The following GABPB1 variants were observed in gnomAD, a reference collection of about 807,000 sequenced individuals.
GABPB1 encodes GA binding protein transcription factor subunit beta 1, also known as GA-binding protein subunit beta-1.
GABPB1 carries 15 observed loss-of-function variants against 45.9 expected under a neutral mutation model. The ratio of observed to expected loss-of-function variants is 0.33; its 90% CI spans 0.22 to 0.50. The LOEUF is 0.50. Ranked by LOEUF, GABPB1 falls within the 20% of genes least tolerant of loss-of-function variation. The probability of loss-of-function intolerance (pLI) is 0.98; values close to 1 mark genes in which losing one functional copy is unlikely to be tolerated. For synonymous variants in GABPB1, 143 were observed against 154.4 expected (o/e 0.93, Z 0.55); for missense variants, 252 against 457.5 (o/e 0.55, Z 4.10).
intron 1 of GABPB1, among the ~76,000 whole-genome samples, chr15:50,313,397 A>G (rs2047199432): frequency 1.3e-5 from 2 of 152,190 alleles, no homozygotes; most frequent in Admixed American, 1.3e-4. Context: ...TGATAGTAAT[A>G]TAAGTGGATC....
At chr15:50,332,333 A>G (rs2047976485) in intron 1 of GABPB1, among the ~76,000 whole-genome samples, 1 of 152,184 alleles carries the variant, frequency 6.6e-6, no homozygotes, top group Non-Finnish European at 1.5e-5. Flanking sequence ...GTAAAGTCTA[A>G]TCAAAATCTT....
chr15:50,311,574 G>T (rs2047132624), intron 1 of GABPB1, among the ~76,000 whole-genome samples: 1 of 152,096 alleles, frequency 6.6e-6, no homozygotes, highest in Admixed American at 6.6e-5. Context: ...TTCAGATTTT[G>T]CATTTTTGCA....
intron 1 of GABPB1, chr15:50,354,376 T>G (rs1441183963): frequency 2.2e-6 from 1 of 451,800 alleles, no homozygotes; most frequent in Non-Finnish European, 4.4e-6. Context: ...GCCAGGCTCT[T>G]CCATTAACCC....
chr15:50,289,767 C>CTTTTCTA, intron 6 of GABPB1, 99 bp from the exon 7 acceptor site: 1 of 701,842 alleles, frequency 1.4e-6, no homozygotes, highest in Non-Finnish European at 2.2e-6. Context: ...ATGCTTCTTT[C>CTTTTCTA]TTTTCTTTTT....
chr15:50,320,852 G>A (rs1364891255), intron 1 of GABPB1, among the ~76,000 whole-genome samples: 2 of 152,156 alleles, frequency 1.3e-5, no homozygotes, highest in African/African-American at 2.4e-5. Flanking sequence ...CTTAAAGATG[G>A]AGGAAGGGGT....
intron 2 of GABPB1, among the ~76,000 whole-genome samples, chr15:50,306,626 CAAAA>C (rs34344784): frequency 3.6e-5 from 3 of 84,414 alleles, no homozygotes; most frequent in African/African-American, 8.9e-5. Flanking sequence ...AACTCTGTCT[CAAAA>C]AAAAAAAAAA....
intron 1 of GABPB1, among the ~76,000 whole-genome samples, chr15:50,337,129 A>ATATATATATATATATATAT (rs1173961008): frequency 1.9e-4 from 2 of 10,554 alleles, no homozygotes; most frequent in East Asian, 4.0e-3. Flanking sequence ...ATATATATAT[A>ATATATATATATATATATAT]ATATGAAGAG....
intron 1 of GABPB1, chr15:50,349,628 T>C (rs2048748648): frequency 6.6e-6 from 1 of 152,168 alleles, no homozygotes; most frequent in Non-Finnish European, 1.5e-5. Flanking sequence ...GAGTGATATG[T>C]TTCTCTACTC....
At chr15:50,284,832 T>C (rs1315210003) in intron 8 of GABPB1, among the ~76,000 whole-genome samples, 2 of 152,202 alleles carry the variant, frequency 1.3e-5, no homozygotes, top group Non-Finnish European at 2.9e-5. Context: ...AGTATACTGA[T>C]ACTATTCAAT....
At chr15:50,316,487 T>C (rs1187610558) in intron 1 of GABPB1, among the ~76,000 whole-genome samples, 1 of 152,192 alleles carries the variant, frequency 6.6e-6, no homozygotes, top group East Asian at 1.9e-4. Flanking sequence ...TTTACTCACA[T>C]TAAAAATTTA....
At chr15:50,280,683 C>A (rs895577835) in intron 8 of GABPB1, among the ~76,000 whole-genome samples, 2 of 151,802 alleles carry the variant, frequency 1.3e-5, no homozygotes, top group Admixed American at 1.3e-4. Context: ...GAGGTTGAGG[C>A]TGCAGTGAGC....
At chr15:50,293,921 G>C (rs539995540) in intron 6 of GABPB1, among the ~76,000 whole-genome samples, 2 of 152,142 alleles carry the variant, frequency 1.3e-5, no homozygotes, top group Admixed American at 6.5e-5. Flanking sequence ...AACACTAAAA[G>C]AGAAAGCCTA....
At chr15:50,281,495 G>T (rs530280112) in intron 8 of GABPB1, among the ~76,000 whole-genome samples, 1 of 152,140 alleles carries the variant, frequency 6.6e-6, no homozygotes, top group Non-Finnish European at 1.5e-5. Flanking sequence ...ACAGGCGTGA[G>T]CCACTGCGCC....
chr15:50,329,099 G>T (rs2047867632), intron 1 of GABPB1, among the ~76,000 whole-genome samples: 1 of 152,148 alleles, frequency 6.6e-6, no homozygotes, highest in Admixed American at 6.6e-5. Flanking sequence ...TTTGGCACAA[G>T]AATGTTCCAG....
chr15:50,354,557 G>A (rs369291578), intron 1 of GABPB1: 2 of 449,460 alleles, frequency 4.4e-6, no homozygotes, highest in Admixed American at 4.7e-5. Context: ...GCCCAGCCGC[G>A]CCTGCCTTCC....
intron 1 of GABPB1, among the ~76,000 whole-genome samples, chr15:50,344,436 T>C (rs530423979): frequency 1.3e-5 from 2 of 152,298 alleles, no homozygotes; most frequent in Admixed American, 6.5e-5. Flanking sequence ...GGGTTCAAAA[T>C]ATTTTCAGGA....
intron 7 of GABPB1, among the ~76,000 whole-genome samples, chr15:50,288,008 C>T (rs1236455048): frequency 6.6e-6 from 1 of 152,204 alleles, no homozygotes; most frequent in Non-Finnish European, 1.5e-5. Context: ...CTGCCCTTCA[C>T]TGGCCATGAA....
At chr15:50,335,325 T>C (rs1295256223) in intron 1 of GABPB1, among the ~76,000 whole-genome samples, 1 of 152,182 alleles carries the variant, frequency 6.6e-6, no homozygotes, top group East Asian at 1.9e-4. Context: ...GGCAAGAATA[T>C]CTCATAAGAC....
intron 1 of GABPB1, among the ~76,000 whole-genome samples, chr15:50,338,467 C>T (rs1384561388): frequency 6.6e-6 from 1 of 152,178 alleles, no homozygotes; most frequent in Non-Finnish European, 1.5e-5. Context: ...CTGTTATAAA[C>T]TTCCCTAAAC....
Sources: gnomAD v4.1 joint callset for allele counts (sites outside exome capture counted in the v4.1 genomes callset) on GRCh38, gnomAD v4.1.1 for gene constraint, MANE v1.5 for transcripts, NCBI Gene and HGNC (gene_info 2026-07-23, HGNC 2026-07-21) for gene names.